The following STK26 variants were observed in gnomAD, a reference collection of about 807,000 sequenced individuals.
The protein encoded by STK26 is serine/threonine kinase 26.
STK26 carries 14 observed loss-of-function variants against 34.7 expected under a neutral mutation model. The ratio of observed to expected loss-of-function variants is 0.40; its 90% CI spans 0.27 to 0.63. STK26 has a LOEUF of 0.63. STK26 is among the 30% of genes least tolerant of loss of function. The pLI is 0.38. For synonymous variants in STK26, 100 were observed against 109.8 expected (o/e 0.91, Z 0.56); for missense variants, 226 against 309.1 (o/e 0.73, Z 2.02).
chrX:132,054,577 A>T lies in STK26; in HGVS notation c.43-54A>T, dbSNP rs1477199372. ...TGATTTATTTTCCTTCATTAAAAAA[A>T]TTTGATTCAAAACATTTGTGTTCTT... On this transcript the variant is annotated intron_variant, in intron 2 of 11. Coordinates refer to ENST00000394334, the MANE Select transcript of STK26 (RefSeq NM_016542.4). 7 of 1,070,975 alleles carry T rather than the reference A, an allele frequency of 6.5e-6. No homozygotes were observed. In the East Asian group the frequency reaches 1.8e-4, roughly 28 times the overall value. 88.3% of individuals were successfully genotyped at this position (1,070,975 alleles called of 1,213,427 possible).
chrX:132,030,882 CT>C (rs1173907340), intron 2 of STK26, among the ~76,000 whole-genome samples: 2 of 111,082 alleles, frequency 1.8e-5, no homozygotes, highest in Non-Finnish European at 3.8e-5. Flanking sequence ...TTGACCCCTT[CT>C]TTTTTTCTTT....
At chrX:132,073,798 C>T (rs1927503688) in intron 11 of STK26, among the ~76,000 whole-genome samples, 1 of 111,226 alleles carries the variant, frequency 9.0e-6, no homozygotes, top group Non-Finnish European at 1.9e-5. Context: ...CCACTGGGAT[C>T]GAGATGGAAC....
intron 2 of STK26, among the ~76,000 whole-genome samples, chrX:132,033,426 T>C (rs952761818): frequency 1.8e-5 from 2 of 112,349 alleles, no homozygotes; most frequent in African/African-American, 6.5e-5. Flanking sequence ...CTAAAGTCAA[T>C]GTATCTGACA....
chrX:132,046,490 G>A (rs1052380879), intron 2 of STK26, among the ~76,000 whole-genome samples: 36 of 111,710 alleles, frequency 3.2e-4, no homozygotes, highest in African/African-American at 1.1e-3. Context: ...TTTTGCTAAT[G>A]AGATGCATTT....
In STK26 at chrX:132,041,366, C is replaced by G. The variant is rs189831735; in HGVS notation, c.43-13265C>G. Among the ~76,000 whole-genome samples the G allele has an allele frequency of 2.7e-5, 3 of 111,456 alleles. No homozygotes were observed. In the East Asian group the frequency reaches 8.5e-4, roughly 31 times the overall value. On this transcript the variant is annotated intron_variant, in intron 2 of 11. Coordinates refer to ENST00000394334, the MANE Select transcript of STK26 (RefSeq NM_016542.4). Reference sequence around the variant, plus strand: ...AAGGGAATTCTAAGGTTGCGTTTTCCAAAATGTTTTATAAGTCCTTTTGGG... The same window carrying G: ...AAGGGAATTCTAAGGTTGCGTTTTCGAAAATGTTTTATAAGTCCTTTTGGG...
chrX:132,025,224 G>A (rs765520711), intron 2 of STK26, among the ~76,000 whole-genome samples: 1 of 111,138 alleles, frequency 9.0e-6, no homozygotes, highest in East Asian at 2.8e-4. Context: ...AGAGTAAAAC[G>A]ATGCACATGT....
chrX:132,075,138 G>C lies in STK26; in HGVS notation c.*979G>C, dbSNP rs1266299398. 9.0e-6 allele frequency: 1 copy of C among 111,686 alleles called. No individual in the cohort carries two copies. Among genetic ancestry groups the C allele is most frequent in the East Asian group, 2.8e-4 (1 of 3,590 alleles). The allele number at this position is 111,686 out of a possible 1,213,427, so 9.2% of individuals were successfully genotyped here. On this transcript the variant is annotated 3_prime_UTR_variant, in exon 12 of 12. Coordinates refer to ENST00000394334, the MANE Select transcript of STK26 (RefSeq NM_016542.4). ...TATCACTAATAAGCATCAGTTTGTT[G>C]TTTTTAAAAGGATATTTAAGTGAGC...
chrX:132,025,348 C>T (rs1214467776), intron 2 of STK26, among the ~76,000 whole-genome samples: 1 of 111,655 alleles, frequency 9.0e-6, no homozygotes, highest in Non-Finnish European at 1.9e-5. Flanking sequence ...TTCTGGGGAA[C>T]TCTGTGTGCT....
intron 2 of STK26, among the ~76,000 whole-genome samples, chrX:132,033,621 C>T (rs191462270): frequency 8.9e-6 from 1 of 111,785 alleles, no homozygotes; most frequent in East Asian, 2.8e-4. Context: ...ATACATTGGA[C>T]TTTACCAGCT....
chrX:132,063,460 T>A lies in STK26; in HGVS notation c.301T>A (p.Tyr101Asn). Residue 101 changes from tyrosine (Y) to asparagine (N), a missense_variant, in exon 4 of 12, where the codon TAC becomes AAC. Physicochemically the swap from Tyr to Asn is moderately radical, Grantham distance 143. Coordinates refer to ENST00000394334, the MANE Select transcript of STK26 (RefSeq NM_016542.4). Reference protein sequence around the residue: ...KGSKLWIIMEYLGGGSALDLL... With the variant: ...KGSKLWIIMENLGGGSALDLL... ...GTCTAAATTATGGATAATAATGGAA[T>A]ACCTGGGCGGTGGTTCAGCACTGGA... The A allele has an allele frequency of 8.3e-7, 1 of 1,209,403 alleles. No homozygotes were observed. Among genetic ancestry groups the A allele is most frequent in the Non-Finnish European group, 1.1e-6 (1 of 893,892 alleles).
At chrX:132,037,809 A>G (rs1312638048) in intron 2 of STK26, among the ~76,000 whole-genome samples, 1 of 70,947 alleles carries the variant, frequency 1.4e-5, no homozygotes, top group Admixed American at 1.6e-4. Flanking sequence ...TTATCTCTTC[A>G]TGAAAAATGG....
chrX:132,025,132 T>C (rs113310225), intron 2 of STK26, among the ~76,000 whole-genome samples: 6,192 of 111,171 alleles, frequency 0.056, 166 homozygotes, highest in Non-Finnish European at 0.087. Context: ...GAATTCATAG[T>C]TCACAATACT....
intron 11 of STK26, 94 bp downstream of exon 11, chrX:132,073,187 A>G: frequency 1.1e-6 from 1 of 949,561 alleles, no homozygotes. Context: ...AACCATTCCA[A>G]TTATTCCTAA....
chrX:132,069,764 AT>A (rs1927353907), intron 7 of STK26, 101 bp downstream of exon 7: 2 of 481,047 alleles, frequency 4.2e-6, no homozygotes, highest in Non-Finnish European at 5.9e-6. Context: ...GTATGTGAGA[AT>A]TGTCTAAGAT....
At chrX:132,063,223 A>G (rs747983749) in intron 3 of STK26, among the ~76,000 whole-genome samples, 1 of 110,048 alleles carries the variant, frequency 9.1e-6, no homozygotes, top group African/African-American at 3.3e-5. Flanking sequence ...ACCATCACCA[A>G]CTCCCCCTCC....
chrX:132,060,315 A>T (rs6529509), intron 3 of STK26, among the ~76,000 whole-genome samples: 36,114 of 110,135 alleles, frequency 0.33, 4,722 homozygotes, highest in African/African-American at 0.43. Context: ...AAGTCTTGAG[A>T]ATGATTTTGA....
intron 2 of STK26, among the ~76,000 whole-genome samples, chrX:132,029,157 T>G (rs1262746892): frequency 2.7e-5 from 3 of 111,923 alleles, no homozygotes; most frequent in African/African-American, 9.8e-5. Context: ...AATCAGAGTT[T>G]AGAAATGGCA....
chrX:132,032,330 G>C (rs1297526062), intron 2 of STK26, among the ~76,000 whole-genome samples: 3 of 112,239 alleles, frequency 2.7e-5, no homozygotes, highest in African/African-American at 9.7e-5. Flanking sequence ...CAAAATTGTA[G>C]ATTGCTTAGA....
chrX:132,044,627 TTCTCTCTCTCTCTCTCTC>T (rs202173059), intron 2 of STK26, among the ~76,000 whole-genome samples: 2 of 43,094 alleles, frequency 4.6e-5, no homozygotes, highest in Admixed American at 2.4e-4. Flanking sequence ...GATGTTCAAA[TTCTCTCTCTCTCTCTCTC>T]TCTCTCTCTC....
Sources: allele counts gnomAD v4.1 joint callset (sites outside exome capture counted in the v4.1 genomes callset), GRCh38; gene constraint gnomAD v4.1.1; transcripts MANE v1.5; gene names NCBI Gene and HGNC (gene_info 2026-07-23, HGNC 2026-07-21).